GNAI3: variants seen among roughly 807,000 people sequenced by gnomAD.
GNAI3 encodes guanine nucleotide-binding protein G(i) subunit alpha-3.
Under a neutral mutation model 41.8 loss-of-function variants are expected in GNAI3, and 12 were observed. The ratio of observed to expected loss-of-function variants is 0.29; its 90% CI spans 0.18 to 0.47. The LOEUF (loss-of-function observed/expected upper bound fraction) is 0.47. Ranked by LOEUF, GNAI3 falls within the 20% of genes least tolerant of loss-of-function variation. GNAI3 has a pLI of 1.00. For missense variants in GNAI3, 360 were observed against 429.6 expected, an observed-to-expected ratio of 0.84 and a Z score of 1.43; for synonymous variants, 132 against 146.5, an observed-to-expected ratio of 0.90 and a Z score of 0.71.
intron 1 of GNAI3, among the ~76,000 whole-genome samples, chr1:109,555,970 G>GCGTGCGTGCGTGCA (rs61438466): frequency 7.7e-6 from 1 of 129,226 alleles, no homozygotes; most frequent in Non-Finnish European, 1.5e-5. Flanking sequence ...GTGCGTGTGT[G>GCGTGCGTGCGTGCA]TGTGTGTGTG....
intron 1 of GNAI3, among the ~76,000 whole-genome samples, chr1:109,563,478 C>T (rs1648366941): frequency 6.6e-6 from 1 of 152,172 alleles, no homozygotes; most frequent in South Asian, 2.1e-4. Flanking sequence ...CAATCAAAGG[C>T]AAGGAAGGAA....
chr1:109,584,267 A>G (rs957856694), intron 5 of GNAI3, among the ~76,000 whole-genome samples: 8 of 152,218 alleles, frequency 5.3e-5, no homozygotes, highest in Admixed American at 4.6e-4. Context: ...CAGTTCAGCT[A>G]TGAATGCTTT....
intron 3 of GNAI3, among the ~76,000 whole-genome samples, chr1:109,577,232 A>T (rs1648770572): frequency 6.6e-6 from 1 of 151,560 alleles, no homozygotes; most frequent in Non-Finnish European, 1.5e-5. Context: ...TTTATCTTTG[A>T]AAAGAAAGGG....
chr1:109,567,011 C>A (rs915106108), intron 1 of GNAI3, among the ~76,000 whole-genome samples: 8 of 152,166 alleles, frequency 5.3e-5, no homozygotes, highest in Non-Finnish European at 1.2e-4. Context: ...ACTCACAATT[C>A]TTTTTTCTTT....
chr1:109,591,105 G>A (rs1019956043), intron 7 of GNAI3, among the ~76,000 whole-genome samples: 1 of 152,150 alleles, frequency 6.6e-6, no homozygotes, highest in Admixed American at 6.5e-5. Context: ...TGTTGAGACA[G>A]GCTTTGCTTT....
rs375525670 is a variant in GNAI3 at position 109,548,690 on chromosome 1, C to A, written c.-31C>A. 1.4e-4 allele frequency: 212 copies of A among 1,490,420 alleles called. 1 individual carries two copies. The highest frequency in any genetic ancestry group is 1.9e-4 in the Non-Finnish European group (207 of 1,069,412). The allele number at this position is 1,490,420 out of a possible 1,614,324, so 92.3% of individuals were successfully genotyped here. A position where few individuals can be genotyped will look rare whatever the true frequency, so the allele number is the denominator to read the frequency against. Reference sequence around the variant, plus strand: ...CGCAGTTTCCGTGGTGTGAGTGAGTCCGGGCCCGTGTCCCCTCTCCCGCCG... The same window carrying A: ...CGCAGTTTCCGTGGTGTGAGTGAGTACGGGCCCGTGTCCCCTCTCCCGCCG... On this transcript the variant is annotated 5_prime_UTR_variant, in exon 1 of 9. Transcript: ENST00000369851.
chr1:109,587,234 A>G (rs773886790), intron 7 of GNAI3, among the ~76,000 whole-genome samples: 1 of 152,210 alleles, frequency 6.6e-6, no homozygotes, highest in Non-Finnish European at 1.5e-5. Context: ...TCTAGGCAAC[A>G]TAGTGACACC....
chr1:109,594,285 A>C lies in GNAI3; in HGVS notation c.*1963A>C, dbSNP rs1389561253. On this transcript the variant is annotated 3_prime_UTR_variant, in exon 9 of 9. Coordinates refer to ENST00000369851, the MANE Select transcript of GNAI3 (RefSeq NM_006496.4). ...TATTATTTTCAACTGTAGTCTTTCT[A>C]TACTGTGGACTAATGAAATGGTGTT... is the stretch of plus-strand genomic sequence containing the variant. 1 of 152,178 alleles carries C rather than the reference A, an allele frequency of 6.6e-6. No homozygotes were observed. Among genetic ancestry groups the C allele is most frequent in the Non-Finnish European group, 1.5e-5 (1 of 68,026 alleles). 9.4% of individuals were successfully genotyped at this position (152,178 alleles called of 1,614,324 possible).
rs61508431 is a variant in GNAI3, at chr1:109,555,966, G to GCGTGCGTGCGTGCA, written c.118+7128_118+7129insCGTGCGTGCGTGCA. ...TGGGGAAAGGAGTGCGTGCGTGCGT[G>GCGTGCGTGCGTGCA]TGTGTGTGTGTGTGTGTGTGTGTGT... is the stretch of plus-strand genomic sequence containing the variant. On this transcript the variant is annotated intron_variant, in intron 1 of 8. Transcript: ENST00000369851. Among the ~76,000 whole-genome samples, 3 of 50,264 alleles carry GCGTGCGTGCGTGCA rather than the reference G, an allele frequency of 6.0e-5. No homozygotes were observed. In the South Asian group the frequency reaches 2.8e-3, roughly 47 times the overall value. 33.0% of individuals were successfully genotyped at this position (50,264 alleles called of 152,430 possible).
At chr1:109,566,381 G>T (rs770343427) in intron 1 of GNAI3, among the ~76,000 whole-genome samples, 14 of 152,028 alleles carry the variant, frequency 9.2e-5, no homozygotes, top group Non-Finnish European at 1.6e-4. Flanking sequence ...TGTATTTGAA[G>T]TCACCATATT....
At chr1:109,576,830 C>T (rs949290998) in intron 3 of GNAI3, among the ~76,000 whole-genome samples, 1 of 151,836 alleles carries the variant, frequency 6.6e-6, no homozygotes, top group Non-Finnish European at 1.5e-5. Context: ...CCAAGAGGCA[C>T]CTCTTTATAG....
intron 1 of GNAI3, among the ~76,000 whole-genome samples, chr1:109,551,372 T>C (rs1647979294): frequency 1.3e-5 from 2 of 152,228 alleles, no homozygotes; most frequent in African/African-American, 4.8e-5. Context: ...ATGTCTCCTT[T>C]GCTGTAGATG....
At chr1:109,559,269 A>C (rs1368173034) in intron 1 of GNAI3, among the ~76,000 whole-genome samples, 1 of 152,222 alleles carries the variant, frequency 6.6e-6, no homozygotes, top group African/African-American at 2.4e-5. Context: ...CATTTTTAAA[A>C]TTTGTTTTCT....
intron 6 of GNAI3, 42 bp downstream of exon 6, chr1:109,586,387 A>G (rs912569404): frequency 1.3e-6 from 2 of 1,561,370 alleles, no homozygotes; most frequent in African/African-American, 2.7e-5. Context: ...TAATGTAGCC[A>G]GGAAATGGAA....
At position 109,586,895 on chromosome 1, in the gene GNAI3, G is replaced by T; in HGVS notation, c.874+13G>T. 1 of 1,568,218 alleles carries T rather than the reference G, an allele frequency of 6.4e-7. No individual in the cohort carries two copies. The highest frequency in any genetic ancestry group is 1.1e-5 in the South Asian group (1 of 89,080). ...CCAGAATACACAGGTAAGGGGTTAT[G>T]AAAGATTTTATTGGAGGTACACATC... On this transcript the variant is annotated intron_variant, in intron 7 of 8. Coordinates refer to ENST00000369851, the MANE Select transcript of GNAI3 (RefSeq NM_006496.4).
intron 3 of GNAI3, among the ~76,000 whole-genome samples, chr1:109,574,953 A>C (rs1340181757): frequency 6.6e-6 from 1 of 152,244 alleles, no homozygotes; most frequent in East Asian, 1.9e-4. Context: ...TTTGATAAAA[A>C]GATAGGAAAT....
intron 1 of GNAI3, among the ~76,000 whole-genome samples, chr1:109,556,674 C>T (rs1202084162): frequency 6.6e-6 from 1 of 152,150 alleles, no homozygotes; most frequent in East Asian, 1.9e-4. Context: ...GGGAACTTTT[C>T]TGTTTCAGTA....
chr1:109,553,537 C>T (rs1273711116), intron 1 of GNAI3, among the ~76,000 whole-genome samples: 2 of 152,160 alleles, frequency 1.3e-5, no homozygotes, highest in Admixed American at 6.5e-5. Flanking sequence ...CATGCCATTA[C>T]ATTATATCCT....
chr1:109,588,588 G>A (rs115570961), intron 7 of GNAI3, among the ~76,000 whole-genome samples: 2,972 of 151,942 alleles, frequency 0.02, 94 homozygotes, highest in African/African-American at 0.067. Context: ...CAGAGACACT[G>A]TAAATGCTTT....
Sources: gnomAD v4.1 joint callset for allele counts (sites outside exome capture counted in the v4.1 genomes callset) on GRCh38, gnomAD v4.1.1 for gene constraint, MANE v1.5 for transcripts, NCBI Gene and HGNC (gene_info 2026-07-23, HGNC 2026-07-21) for gene names.